The following ADD1 variants were observed in gnomAD, a reference collection of about 807,000 sequenced individuals.
The protein encoded by ADD1 is adducin 1.
In ADD1, 24 loss-of-function variants were observed where a neutral mutation model predicts 80.5. The ratio of observed to expected loss-of-function variants is 0.30; its 90% confidence interval spans 0.22 to 0.42. ADD1 has a LOEUF of 0.42. Ranked by LOEUF, ADD1 falls within the 10% of genes least tolerant of loss-of-function variation. ADD1 has a pLI of 1.00. For missense variants in ADD1, 948 were observed against 1,019.0 expected (o/e 0.93, Z 0.95); for synonymous variants, 373 against 393.8 (o/e 0.95, Z 0.63).
chr4:2,907,547 T>C (rs1737265521), intron 10 of ADD1, 196 bp from the exon 11 acceptor site: 1 of 514,276 alleles, frequency 1.9e-6, no homozygotes, highest in African/African-American at 1.9e-5. Context: ...ACTTCCAGCA[T>C]TAACTGGTCT....
At chr4:2,916,412 T>G (rs1739081903) in intron 14 of ADD1, among the ~76,000 whole-genome samples, 1 of 151,998 alleles carries the variant, frequency 6.6e-6, no homozygotes, top group Non-Finnish European at 1.5e-5. Context: ...GCCAGGACGG[T>G]CTCAATGTCT....
In ADD1 at chr4:2,884,633, T is replaced by C. The variant is rs192899881; in HGVS notation, c.477T>C (p.Phe159=). ...LAAFYRLADL[F]GWSQLIYNHI... is the part of the protein sequence containing the mutation. The stretch of plus-strand genomic sequence containing the variant: ...CGTTTTATAGACTAGCAGATCTCTT[T>C]GGGTGGTCTCAGCTTATCTACAATC... The change falls in exon 4 of 16, where the codon TTT becomes TTC. Residue 159 remains phenylalanine, a synonymous_variant. Coordinates refer to ENST00000683351, the MANE Select transcript of ADD1 (RefSeq NM_001354761.2). The C allele has an allele frequency of 1.9e-6, 3 of 1,611,290 alleles. No individual in the cohort carries two copies. The African/African-American group carries it at 4.0e-5, about 21-fold the overall frequency.
intron 1 of ADD1, among the ~76,000 whole-genome samples, chr4:2,852,207 C>CTTTCCTTTCCTTTCTTTCCTTT (rs1553815097): frequency 4.5e-5 from 3 of 66,102 alleles, no homozygotes; most frequent in Non-Finnish European, 6.1e-5. Context: ...TCCTTTCTTT[C>CTTTCCTTTCCTTTCTTTCCTTT]CTTTCCTTTC....
rs753784134 is a variant in ADD1 at position 2,926,647 on chromosome 4, G to A, written c.2047+535G>A. 5 of 1,613,782 alleles carry A rather than the reference G, an allele frequency of 3.1e-6. No individual in the cohort carries two copies. Among genetic ancestry groups the A allele is most frequent in the Non-Finnish European group, 4.2e-6 (5 of 1,179,868 alleles). On this transcript the variant is annotated intron_variant, in intron 15 of 15. Coordinates refer to ENST00000683351, the MANE Select transcript of ADD1 (RefSeq NM_001354761.2). This position sits in a 1 kb window ranked among gnomAD's most constrained non-coding sequence, Gnocchi z 5.0. ...TGTGGCTGCGTCACAAGCAGGAGAC[G>A]GATGCGCTAGAGAGTACCTGTTACC... is the stretch of plus-strand genomic sequence containing the variant.
rs373920776 is a variant in ADD1 at position 2,929,287 on chromosome 4, C to T, written c.*764C>T. 2.6e-5 allele frequency: 4 copies of T among 152,200 alleles called. No individual in the cohort carries two copies. The highest frequency in any genetic ancestry group is 7.2e-5 in the African/African-American group (3 of 41,428). 9.4% of individuals were successfully genotyped at this position (152,200 alleles called of 1,614,324 possible). On this transcript the variant is annotated 3_prime_UTR_variant, in exon 16 of 16. Coordinates refer to ENST00000683351, the MANE Select transcript of ADD1 (RefSeq NM_001354761.2). ...GGTTTACAATTTAGCTTACATTTTTCGACTGTGAACGTGAATAGGCTGCTT... is the reference window on the plus strand; with the variant it reads ...GGTTTACAATTTAGCTTACATTTTTTGACTGTGAACGTGAATAGGCTGCTT...
At chr4:2,914,850 G>A (rs1456664428) in intron 13 of ADD1, 34 bp from the exon 14 acceptor site, 3 of 1,568,020 alleles carry the variant, frequency 1.9e-6, no homozygotes, top group Non-Finnish European at 2.6e-6. Context: ...ATCGGGCCGG[G>A]CTCCTGCAGA....
chr4:2,875,968 C>G lies in ADD1; in HGVS notation c.53C>G (p.Ala18Gly), dbSNP rs759011632. 6.2e-7 allele frequency: 1 copy of G among 1,613,784 alleles called. No individual in the cohort carries two copies. The highest frequency in any genetic ancestry group is 8.5e-7 in the Non-Finnish European group (1 of 1,179,836). The change falls in exon 2 of 16, where the codon GCC becomes GGC. Residue 18 changes from alanine to glycine, a missense_variant. By Grantham distance (60) the Ala-to-Gly change is moderately conservative. Transcript: ENST00000683351. ...AVVTSPPPTT[A>G]PHKERYFDRV... ...GTGACCTCACCACCCCCGACCACAG[C>G]CCCTCACAAGGAGAGGTACTTCGAC... is the stretch of plus-strand genomic sequence containing the variant.
chr4:2,867,976 C>T (rs939667295), intron 1 of ADD1: 4 of 152,208 alleles, frequency 2.6e-5, no homozygotes, highest in Non-Finnish European at 5.9e-5. Context: ...TGAAAGGGGC[C>T]TTTTGAGCAG....
At chr4:2,855,647 C>T (rs535925092) in intron 1 of ADD1, among the ~76,000 whole-genome samples, 2,818 of 143,322 alleles carry the variant, frequency 0.02, 57 homozygotes, top group African/African-American at 0.049. Context: ...TTTTTTTTTT[C>T]TTTTTAAAGA....
chr4:2,868,988 G>T (rs1259317715), intron 1 of ADD1, among the ~76,000 whole-genome samples: 1 of 152,198 alleles, frequency 6.6e-6, no homozygotes, highest in Non-Finnish European at 1.5e-5. Flanking sequence ...TGTGAAATCA[G>T]ACGACGGTTG....
At chr4:2,853,031 A>G (rs1727550625) in intron 1 of ADD1, 3 of 152,202 alleles carry the variant, frequency 2.0e-5, no homozygotes, top group Admixed American at 2.0e-4. Flanking sequence ...TAGTGTTTAA[A>G]GCATAATGAA....
intron 9 of ADD1, chr4:2,901,023 T>G (rs768576113): frequency 6.6e-6 from 1 of 152,282 alleles, no homozygotes; most frequent in Non-Finnish European, 1.5e-5. Flanking sequence ...TGGGTGCCGA[T>G]TGGTCAAGGA....
chr4:2,915,050 T>A lies in ADD1; in HGVS notation c.1948+10T>A, dbSNP rs753206622. ...CAGAAGGGCTCTGAAGGTGAGTGCT[T>A]GTGGTCCTGGGCACGGCCACTCCAG... On this transcript the variant is annotated intron_variant, in intron 14 of 15. Transcript: ENST00000683351. 1.4e-5 allele frequency: 22 copies of A among 1,605,802 alleles called. No individual in the cohort carries two copies. In the Admixed American group the frequency reaches 2.9e-4, roughly 21 times the overall value.
At chr4:2,912,458 C>T (rs924751524) in intron 13 of ADD1, among the ~76,000 whole-genome samples, 5 of 152,186 alleles carry the variant, frequency 3.3e-5, no homozygotes, top group African/African-American at 4.8e-5. Flanking sequence ...GAGAGAGCCC[C>T]GCTTGTCCTT....
intron 1 of ADD1, among the ~76,000 whole-genome samples, chr4:2,863,380 C>T (rs58115360): frequency 0.23 from 35,106 of 151,676 alleles, 4,644 homozygotes; most frequent in Middle Eastern, 0.3. Context: ...TTTTAGACTT[C>T]AGAAATTATT....
chr4:2,852,138 T>TTTTCTTTTTC (rs1727191748), intron 1 of ADD1, among the ~76,000 whole-genome samples: 1 of 97,580 alleles, frequency 1.0e-5, no homozygotes, highest in Non-Finnish European at 2.1e-5. Flanking sequence ...ACCCGGCCTC[T>TTTTCTTTTTC]TTTCTTTCTT....
In ADD1 at chr4:2,887,422, A is replaced by T. The variant is rs769803698; in HGVS notation, c.510+2756A>T. 13 of 114,270 alleles carry T rather than the reference A, an allele frequency of 1.1e-4. No homozygotes were observed. The Admixed American group carries it at 1.6e-3, about 14-fold the overall frequency. The allele number at this position is 114,270 out of a possible 1,614,324, so 7.1% of individuals were successfully genotyped here. A position where few individuals can be genotyped will look rare whatever the true frequency, so the allele number is the denominator to read the frequency against. On this transcript the variant is annotated intron_variant, in intron 4 of 15. Transcript: ENST00000683351. ...TGATTGTCTGAAATAGATCTTTAAG[A>T]TTGCATTGGATTTGGAGAAGTGTTT...
chr4:2,857,672 A>G (rs1287837434), intron 1 of ADD1, among the ~76,000 whole-genome samples: 1 of 152,176 alleles, frequency 6.6e-6, no homozygotes, highest in African/African-American at 2.4e-5. Flanking sequence ...CCAAATGGAA[A>G]TAGTGATTGG....
chr4:2,858,974 C>T (rs1728463126), intron 1 of ADD1, among the ~76,000 whole-genome samples: 1 of 152,162 alleles, frequency 6.6e-6, no homozygotes. Context: ...AACTGAAGTA[C>T]AGAAGACAAT....
Sources: allele counts gnomAD v4.1 joint callset (sites outside exome capture counted in the v4.1 genomes callset), GRCh38; gene constraint gnomAD v4.1.1; non-coding constraint Gnocchi (gnomAD v3.1); transcripts MANE v1.5; gene names NCBI Gene and HGNC (gene_info 2026-07-23, HGNC 2026-07-21).